The following CAPN13 variants were observed in gnomAD, a reference collection of about 807,000 sequenced individuals.
The protein encoded by CAPN13 is calpain-13.
CAPN13 carries 90 observed loss-of-function variants against 98.4 expected under a neutral mutation model. The ratio of observed to expected loss-of-function variants is 0.92; its 90% confidence interval spans 0.77 to 1.09. The LOEUF (loss-of-function observed/expected upper bound fraction) is 1.09. CAPN13 is among the 50% of genes least tolerant of loss of function. The pLI, the probability that CAPN13 is intolerant of heterozygous loss-of-function variation, is 0.00. For missense variants in CAPN13, 887 were observed against 841.3 expected (o/e 1.05, Z -0.67); for synonymous variants, 330 against 305.5 (o/e 1.08, Z -0.84).
rs1481077002 is a variant in CAPN13, at chr2:30,731,385, G to A, written c.1942C>T (p.Leu648Phe). The A allele has an allele frequency of 6.2e-7, 1 of 1,610,470 alleles. No homozygotes were observed. The highest frequency in any genetic ancestry group is 8.5e-7 in the Non-Finnish European group (1 of 1,178,328). The change falls in exon 21 of 23, where the codon CTC becomes TTC. Residue 648 changes from leucine (L) to phenylalanine (F), a missense_variant. Transcript: ENST00000295055. ...LEAMAKTFRN[L>F]SKDGKGLYLT... The stretch of plus-strand genomic sequence containing the variant: ...TAGAGTCCTTTTCCATCCTTAGAGA[G>A]GTTGCGGAAGGTCTCTAGGATAAAG...
At chr2:30,735,384 C>A (rs1671307044) in intron 18 of CAPN13, among the ~76,000 whole-genome samples, 1 of 152,216 alleles carries the variant, frequency 6.6e-6, no homozygotes, top group African/African-American at 2.4e-5. Flanking sequence ...GTGACTGAGG[C>A]CAACCATGGG....
At chr2:30,747,007 A>C (rs1188284787) in intron 11 of CAPN13, among the ~76,000 whole-genome samples, 1 of 152,216 alleles carries the variant, frequency 6.6e-6, no homozygotes, top group East Asian at 1.9e-4. Context: ...TTCCCTGAGA[A>C]GTCAACTTCT....
intron 12 of CAPN13, among the ~76,000 whole-genome samples, chr2:30,744,647 G>C (rs1671818810): frequency 6.6e-6 from 1 of 152,156 alleles, no homozygotes; most frequent in Non-Finnish European, 1.5e-5. Flanking sequence ...TCCCTCTGTT[G>C]ACCCCTCATA....
intron 2 of CAPN13, among the ~76,000 whole-genome samples, chr2:30,785,064 A>G (rs1433141879): frequency 6.6e-6 from 1 of 152,182 alleles, no homozygotes; most frequent in Non-Finnish European, 1.5e-5. Context: ...GTCAACTCAG[A>G]GTTTCTTTCT....
intron 2 of CAPN13, among the ~76,000 whole-genome samples, chr2:30,781,234 G>T (rs1283440278): frequency 6.6e-6 from 1 of 152,236 alleles, no homozygotes; most frequent in Non-Finnish European, 1.5e-5. Flanking sequence ...TCAGGTGTCT[G>T]CCTCCATAGT....
chr2:30,726,125 G>A (rs1410963079), intron 22 of CAPN13, among the ~76,000 whole-genome samples: 3 of 152,192 alleles, frequency 2.0e-5, no homozygotes, highest in African/African-American at 7.2e-5. Context: ...TTTGTGCTAA[G>A]GAAATAGCAA....
intron 8 of CAPN13, among the ~76,000 whole-genome samples, chr2:30,756,395 G>A (rs938452458): frequency 6.6e-6 from 1 of 152,164 alleles, no homozygotes; most frequent in Admixed American, 6.5e-5. Flanking sequence ...CTCAAGTTCA[G>A]TCCCATCCAT....
intron 1 of CAPN13, among the ~76,000 whole-genome samples, chr2:30,800,121 AAAG>A (rs1675134666): frequency 2.6e-5 from 2 of 77,964 alleles, no homozygotes; most frequent in East Asian, 3.3e-4. Context: ...GAAAGAAAAG[AAAG>A]AAAGAAAGAA....
chr2:30,762,821 C>G (rs1019955432), intron 7 of CAPN13, among the ~76,000 whole-genome samples: 2 of 152,218 alleles, frequency 1.3e-5, no homozygotes, highest in Non-Finnish European at 2.9e-5. Flanking sequence ...TCTAGATAGA[C>G]AGTCAGAGCT....
intron 8 of CAPN13, among the ~76,000 whole-genome samples, chr2:30,757,530 C>A (rs555920487): frequency 2.0e-4 from 31 of 152,302 alleles, no homozygotes; most frequent in Admixed American, 5.9e-4. Flanking sequence ...GTAGATTGGA[C>A]AAAAACATCA....
intron 2 of CAPN13, among the ~76,000 whole-genome samples, chr2:30,785,317 A>G (rs1674213857): frequency 6.6e-6 from 1 of 152,224 alleles, no homozygotes; most frequent in African/African-American, 2.4e-5. Flanking sequence ...TAAAGTTAGG[A>G]GAAAACAAAG....
intron 2 of CAPN13, among the ~76,000 whole-genome samples, chr2:30,782,663 G>T (rs1417610428): frequency 1.3e-5 from 2 of 152,212 alleles, no homozygotes; most frequent in Admixed American, 6.5e-5. Flanking sequence ...GGCCACAGGC[G>T]GGAAGCCACA....
At position 30,751,173 on chromosome 2, in the gene CAPN13, G is replaced by A; in HGVS notation, c.1166C>T (p.Thr389Ile). Residue 389 changes from threonine (T) to isoleucine (I), a missense_variant, in exon 11 of 23, where the codon ACA (threonine) becomes ATA (isoleucine). Transcript: ENST00000295055. ...CAAATTTGATGGTGTGACAGCAACTGTGACGCACACGACAACATTGGTGCC... is the reference window on the plus strand; with the variant it reads ...CAAATTTGATGGTGTGACAGCAACTATGACGCACACGACAACATTGGTGCC... ...MEGTNVVVCV[T>I]VAVTPSNLKA... 3.1e-6 allele frequency: 5 copies of A among 1,613,984 alleles called. No individual in the cohort carries two copies. The highest frequency in any genetic ancestry group is 1.3e-5 in the African/African-American group (1 of 75,058).
chr2:30,734,371 C>T, intron 19 of CAPN13, 78 bp downstream of exon 19: 1 of 1,118,290 alleles, frequency 8.9e-7, no homozygotes, highest in African/African-American at 1.5e-5. Flanking sequence ...ACTGTTGTGC[C>T]AGCCTTGCTA....
intron 2 of CAPN13, among the ~76,000 whole-genome samples, chr2:30,784,426 G>T (rs1674152681): frequency 6.6e-6 from 1 of 152,162 alleles, no homozygotes; most frequent in African/African-American, 2.4e-5. Context: ...TTAGTGTTTA[G>T]ACTGTGCTAG....
chr2:30,779,185 G>C (rs1262012027), intron 2 of CAPN13, among the ~76,000 whole-genome samples: 2 of 152,130 alleles, frequency 1.3e-5, no homozygotes, highest in Non-Finnish European at 2.9e-5. Context: ...CTTCACTGTG[G>C]TCCTGCTAGC....
intron 18 of CAPN13, among the ~76,000 whole-genome samples, chr2:30,735,670 C>A (rs1671326523): frequency 6.6e-6 from 1 of 152,184 alleles, no homozygotes; most frequent in African/African-American, 2.4e-5. Context: ...AACCAAGTGA[C>A]CCCTAGTCGG....
chr2:30,761,940 A>G (rs1672871239), intron 7 of CAPN13, among the ~76,000 whole-genome samples: 1 of 152,250 alleles, frequency 6.6e-6, no homozygotes, highest in Non-Finnish European at 1.5e-5. Context: ...GATGCTCTGC[A>G]GTCCTTGGTC....
intron 2 of CAPN13, among the ~76,000 whole-genome samples, chr2:30,779,940 C>A (rs1032487305): frequency 2.6e-5 from 4 of 152,012 alleles, no homozygotes; most frequent in African/African-American, 9.7e-5. Flanking sequence ...CAACCTTTGG[C>A]AAATATGGTA....
Sources: allele counts gnomAD v4.1 joint callset (sites outside exome capture counted in the v4.1 genomes callset), GRCh38; gene constraint gnomAD v4.1.1; transcripts MANE v1.5; gene names NCBI Gene and HGNC (gene_info 2026-07-23, HGNC 2026-07-21).